Variants in FBXL17 observed in about 807,000 individuals in gnomAD.
FBXL17 encodes F-box/LRR-repeat protein 17.
Under a neutral mutation model 66.2 loss-of-function variants are expected in FBXL17, and 22 were observed. The ratio of observed to expected loss-of-function variants is 0.33; its 90% CI spans 0.24 to 0.47. The LOEUF is 0.47. Among genes scored for constraint, FBXL17 ranks in the 20% least tolerant of loss-of-function variants. The pLI is 1.00. For missense variants in FBXL17, 878 were observed against 948.2 expected (o/e 0.93, Z 0.97); for synonymous variants, 474 against 400.5 (o/e 1.18, Z -2.19).
intron 6 of FBXL17, among the ~76,000 whole-genome samples, chr5:108,118,681 C>T (rs548294774): frequency 6.6e-6 from 1 of 152,254 alleles, no homozygotes; most frequent in South Asian, 2.1e-4. Flanking sequence ...GTTTCCCCAT[C>T]ATCTATATAT....
intron 7 of FBXL17, among the ~76,000 whole-genome samples, chr5:107,900,812 C>T (rs528714969): frequency 6.6e-6 from 1 of 152,026 alleles, no homozygotes; most frequent in Non-Finnish European, 1.5e-5. Context: ...TTAAAGCGAA[C>T]CCTATAAAAG....
chr5:108,275,711 G>C (rs921005543), intron 4 of FBXL17, among the ~76,000 whole-genome samples: 1 of 152,196 alleles, frequency 6.6e-6, no homozygotes, highest in East Asian at 1.9e-4. Context: ...GACAAAGAGA[G>C]ACTTAAGTCT....
At chr5:108,069,642 T>C (rs1448318563) in intron 6 of FBXL17, among the ~76,000 whole-genome samples, 2 of 152,160 alleles carry the variant, frequency 1.3e-5, no homozygotes, top group Non-Finnish European at 2.9e-5. Context: ...TTCCTGCTGA[T>C]CCAGGGAAGA....
chr5:108,262,070 A>ATTT lies in FBXL17; in HGVS notation c.1507-37845_1507-37843dup, dbSNP rs200282593. On this transcript the variant is annotated intron_variant, in intron 4 of 8. Transcript: ENST00000542267. ...TGATACATATTTTATTTATTTATTT[A>ATTT]TTTATTTATTTATTTATTTTTTTTG... Among the ~76,000 whole-genome samples, 162 of 138,918 alleles carry ATTT rather than the reference A, an allele frequency of 1.2e-3. 5 individuals carry two copies. Among genetic ancestry groups the ATTT allele is most frequent in the African/African-American group, 4.6e-3 (149 of 32,302 alleles). 91.1% of individuals were successfully genotyped at this position (138,918 alleles called of 152,430 possible).
chr5:107,892,155 C>CT (rs1443634175), intron 7 of FBXL17, among the ~76,000 whole-genome samples: 1 of 152,060 alleles, frequency 6.6e-6, no homozygotes, highest in Non-Finnish European at 1.5e-5. Flanking sequence ...TATGAGAACT[C>CT]TAAGTACCGT....
chr5:107,915,685 G>T (rs1214911234), intron 7 of FBXL17, among the ~76,000 whole-genome samples: 1 of 152,144 alleles, frequency 6.6e-6, no homozygotes, highest in Admixed American at 6.6e-5. Flanking sequence ...AAGTAATTTT[G>T]GTACTTATAA....
At chr5:108,151,214 G>A (rs950418524) in intron 6 of FBXL17, among the ~76,000 whole-genome samples, 1 of 151,846 alleles carries the variant, frequency 6.6e-6, no homozygotes, top group African/African-American at 2.4e-5. Context: ...CTCCTATATA[G>A]GACAAACTCT....
chr5:108,145,725 T>TA, intron 6 of FBXL17, among the ~76,000 whole-genome samples: 3 of 152,092 alleles, frequency 2.0e-5, no homozygotes, highest in South Asian at 4.2e-4. Flanking sequence ...ATCAGAACTT[T>TA]AAGTGGCTAG....
chr5:108,245,977 T>C (rs918765053), intron 4 of FBXL17, among the ~76,000 whole-genome samples: 5 of 152,186 alleles, frequency 3.3e-5, no homozygotes, highest in Admixed American at 2.0e-4. Context: ...AATACATGAA[T>C]GAGTTAAATC....
chr5:108,124,770 A>T (rs1750631689), intron 6 of FBXL17, among the ~76,000 whole-genome samples: 1 of 152,106 alleles, frequency 6.6e-6, no homozygotes, highest in African/African-American at 2.4e-5. Flanking sequence ...ATTTATAGGC[A>T]TATAAAATTT....
At chr5:108,087,123 T>C (rs979055908) in intron 6 of FBXL17, among the ~76,000 whole-genome samples, 1 of 152,172 alleles carries the variant, frequency 6.6e-6, no homozygotes, top group Non-Finnish European at 1.5e-5. Context: ...ATTGAGGAAA[T>C]TCTGAAACCT....
Position 108,282,712 on chromosome 5 carries a change from G to C in FBXL17, c.1507-58484C>G, listed in dbSNP as rs551009684. Among the ~76,000 whole-genome samples, 9 of 151,604 alleles carry C rather than the reference G, an allele frequency of 5.9e-5. 1 individual carries two copies. Among genetic ancestry groups the C allele is most frequent in the African/African-American group, 1.4e-4 (6 of 41,452 alleles). On this transcript the variant is annotated intron_variant, in intron 4 of 8. Transcript: ENST00000542267. ...TAAAAGGATCCAAACTGGAAAAGAAGTCAAATTATCCCTGTTTGCTAAGAT... is the reference window on the plus strand; with the variant it reads ...TAAAAGGATCCAAACTGGAAAAGAACTCAAATTATCCCTGTTTGCTAAGAT...
In FBXL17 at chr5:108,010,080, T is replaced by G. The variant is rs1251614062; in HGVS notation, c.1822+10845A>C. Among the ~76,000 whole-genome samples the G allele has an allele frequency of 3.3e-5, 5 of 152,336 alleles. No homozygotes were observed. The East Asian group carries it at 7.7e-4, about 24-fold the overall frequency. On this transcript the variant is annotated intron_variant, in intron 7 of 8. Coordinates refer to ENST00000542267, the MANE Select transcript of FBXL17 (RefSeq NM_001163315.3). Reference sequence around the variant, plus strand: ...ATTTTTCAAACTTCTGGTCATTGTGTTAAGTGACAAAATTAATCTACTGAG... The same window carrying G: ...ATTTTTCAAACTTCTGGTCATTGTGGTAAGTGACAAAATTAATCTACTGAG...
At chr5:108,284,602 T>A (rs750159063) in intron 4 of FBXL17, among the ~76,000 whole-genome samples, 5 of 151,838 alleles carry the variant, frequency 3.3e-5, no homozygotes. Context: ...ATAGGTACAA[T>A]GTAGGTTATT....
intron 6 of FBXL17, among the ~76,000 whole-genome samples, chr5:108,066,177 C>T (rs1453156449): frequency 6.6e-6 from 1 of 152,098 alleles, no homozygotes; most frequent in Non-Finnish European, 1.5e-5. Context: ...GACATCATGA[C>T]ATTGATTATA....
At chr5:107,970,085 G>C (rs999182631) in intron 7 of FBXL17, among the ~76,000 whole-genome samples, 6 of 152,120 alleles carry the variant, frequency 3.9e-5, no homozygotes, top group African/African-American at 7.2e-5. Context: ...GCTATGTAAG[G>C]ATTGTATCAT....
intron 4 of FBXL17, among the ~76,000 whole-genome samples, chr5:108,341,917 T>C (rs1427208708): frequency 1.3e-5 from 2 of 152,174 alleles, no homozygotes; most frequent in Non-Finnish European, 2.9e-5. Context: ...TTAGTTCAAA[T>C]GTCACTTACT....
chr5:107,903,101 C>G (rs1189884443), intron 7 of FBXL17, among the ~76,000 whole-genome samples: 1 of 152,104 alleles, frequency 6.6e-6, no homozygotes, highest in Non-Finnish European at 1.5e-5. Flanking sequence ...TGTAACCTGA[C>G]TTGTAATCTA....
chr5:108,355,635 C>T (rs1184264589), intron 3 of FBXL17, among the ~76,000 whole-genome samples: 1 of 151,904 alleles, frequency 6.6e-6, no homozygotes, highest in Non-Finnish European at 1.5e-5. Flanking sequence ...ACCTGTGATG[C>T]AGTACAAAGT....
Sources: allele counts gnomAD v4.1 joint callset (sites outside exome capture counted in the v4.1 genomes callset), GRCh38; gene constraint gnomAD v4.1.1; transcripts MANE v1.5; gene names NCBI Gene and HGNC (gene_info 2026-07-23, HGNC 2026-07-21).